TRPV4: variants seen among roughly 807,000 people sequenced by gnomAD.
TRPV4 encodes OSM9-like transient receptor potential channel 4.
Under a neutral mutation model 84.1 loss-of-function variants are expected in TRPV4, and 58 were observed. The ratio of observed to expected loss-of-function variants is 0.69; its 90% CI spans 0.56 to 0.86. The LOEUF is 0.86. TRPV4 is among the 40% of genes least tolerant of loss of function. The pLI is 0.00. For synonymous variants in TRPV4, 489 were observed against 500.9 expected (o/e 0.98, Z 0.32); for missense variants, 879 against 1,181.1 (o/e 0.74, Z 3.75).
In TRPV4 at chr12:109,787,751, C is replaced by T. The variant is rs569070749; in HGVS notation, c.2208+649G>A. On this transcript the variant is annotated intron_variant, in intron 13 of 15. Transcript: ENST00000261740. ...CTCACTGCACCATTTTCCTGAAATGCACAGTCAAGGTAAACACGGGTGCTG... is the reference window on the plus strand; with the variant it reads ...CTCACTGCACCATTTTCCTGAAATGTACAGTCAAGGTAAACACGGGTGCTG... Among the ~76,000 whole-genome samples, 13 of 152,300 alleles carry T rather than the reference C, an allele frequency of 8.5e-5. No homozygotes were observed. In the South Asian group the frequency reaches 2.3e-3, roughly 27 times the overall value.
In TRPV4 at chr12:109,826,053, T is replaced by C. The variant is rs57016457; in HGVS notation, c.-32+7297A>G. 7.1e-3 allele frequency among the ~76,000 whole-genome samples: 1,077 copies of C among 152,310 alleles called. 21 individuals carry two copies. The highest frequency in any genetic ancestry group is 0.025 in the African/African-American group (1,037 of 41,548). On this transcript the variant is annotated intron_variant, in intron 1 of 15. Coordinates refer to ENST00000261740, the MANE Select transcript of TRPV4 (RefSeq NM_021625.5). ...TTGTTTTTTGTTTTGAGACAGGGTA[T>C]GGCTTTGTCACCCAGGCTGGAGTGC...
chr12:109,806,223 C>G (rs1332246188), intron 3 of TRPV4, among the ~76,000 whole-genome samples: 3 of 151,654 alleles, frequency 2.0e-5, no homozygotes, highest in Non-Finnish European at 4.4e-5. Context: ...GAGACAGAGT[C>G]TCGCTCTTTC....
At chr12:109,806,867 A>G (rs1220094406) in intron 3 of TRPV4, among the ~76,000 whole-genome samples, 1 of 125,674 alleles carries the variant, frequency 8.0e-6, no homozygotes, top group Non-Finnish European at 1.6e-5. Context: ...TCTCAAAAAA[A>G]AAAAAGAAAA....
rs940497549 is a variant in TRPV4, at chr12:109,803,255, TCTC to T, written c.560-115_560-113del. The T allele has an allele frequency of 2.7e-5, 34 of 1,280,242 alleles. No individual in the cohort carries two copies. The African/African-American group carries it at 4.4e-4, about 17-fold the overall frequency. 79.3% of individuals were successfully genotyped at this position (1,280,242 alleles called of 1,614,324 possible). A position where few individuals can be genotyped will look rare whatever the true frequency, so the allele number is the denominator to read the frequency against. On this transcript the variant is annotated intron_variant, in intron 3 of 15. Transcript: ENST00000261740. The stretch of plus-strand genomic sequence containing the variant: ...GGGTCAGATGTCCTGGCTGTCAACA[TCTC>T]CTCTCCAAGCCTGTTTCCTCATCTG...
At chr12:109,803,618 T>C (rs936680256) in intron 3 of TRPV4, among the ~76,000 whole-genome samples, 2 of 151,368 alleles carry the variant, frequency 1.3e-5, no homozygotes, top group African/African-American at 2.4e-5. Flanking sequence ...CATGCTCAAC[T>C]AATTTTTTAA....
At chr12:109,816,354 G>A (rs549573120) in intron 1 of TRPV4, among the ~76,000 whole-genome samples, 1 of 152,272 alleles carries the variant, frequency 6.6e-6, no homozygotes, top group South Asian at 2.1e-4. Flanking sequence ...GTGATCTTAG[G>A]TAAGTTACTT....
intron 1 of TRPV4, among the ~76,000 whole-genome samples, chr12:109,826,673 C>A (rs1028945606): frequency 1.3e-5 from 2 of 152,226 alleles, no homozygotes; most frequent in African/African-American, 4.8e-5. Flanking sequence ...CCCTTCTCAA[C>A]GCCATATCCC....
rs1890131204 is a variant in TRPV4, at chr12:109,792,806, G to C, written c.1670C>G (p.Ser557Cys). ...GSFQLLYFIY[S>C]VLVIVSAALY... ...GGCTGCTGAGACGATCACCAGGACA[G>C]AGTAGATGAAGCTGCAGTGCAGCAG... The change falls in exon 11 of 16, where the codon TCT becomes TGT. Residue 557 changes from serine (S) to cysteine (C), a missense_variant. Transcript: ENST00000261740. 2 of 1,613,734 alleles carry C rather than the reference G, an allele frequency of 1.2e-6. No homozygotes were observed. Among genetic ancestry groups the C allele is most frequent in the Non-Finnish European group, 1.7e-6 (2 of 1,180,030 alleles).
At position 109,814,776 on chromosome 12, in the gene TRPV4, G is replaced by C. The variant is rs1346348514; in HGVS notation, c.21C>G (p.Gly7=). The stretch of plus-strand genomic sequence containing the variant: ...CCACCTCCCCGGGCCCCGCGCGGGG[G>C]CCTTCGCTGGAATCCGCCATGCCTG... MADSSE[G]PRAGPGEVAE... The change falls in exon 2 of 16, where the codon GGC becomes GGG. Residue 7 remains glycine (G), a synonymous_variant. Coordinates refer to ENST00000261740, the MANE Select transcript of TRPV4 (RefSeq NM_021625.5). This position sits in a 1 kb window ranked among gnomAD's most constrained non-coding sequence, Gnocchi z 5.4. The C allele has an allele frequency of 1.9e-6, 3 of 1,547,044 alleles. No individual in the cohort carries two copies. The highest frequency in any genetic ancestry group is 2.7e-5 in the African/African-American group (2 of 73,130).
At chr12:109,794,548 C>G in intron 7 of TRPV4, 61 bp from the exon 8 acceptor site, 1 of 1,590,010 alleles carries the variant, frequency 6.3e-7, no homozygotes, top group Non-Finnish European at 8.6e-7. Flanking sequence ...TCCAGGCAGG[C>G]TGCCTCGGGT....
Position 109,783,743 on chromosome 12 carries a change from G to T in TRPV4, c.2494C>A (p.Leu832Met), listed in dbSNP as rs377399452. The part of the protein sequence containing the change: ...WSSVVPRVVE[L>M]NKNSNPDEVV... ...TCGTCCGGGTTCGAGTTCTTGTTCA[G>T]TTCCACCACGCGGGGTACCACCGAG... The change falls in exon 16 of 16, where the codon CTG becomes ATG. Residue 832 changes from leucine (L) to methionine (M), a missense_variant. By Grantham distance (15) the Leu-to-Met change is conservative. Coordinates refer to ENST00000261740, the MANE Select transcript of TRPV4 (RefSeq NM_021625.5). This position sits in a 1 kb window ranked among gnomAD's most constrained non-coding sequence, Gnocchi z 4.6. 8 of 1,613,328 alleles carry T rather than the reference G, an allele frequency of 5.0e-6. No homozygotes were observed. In the African/African-American group the frequency reaches 1.1e-4, roughly 22 times the overall value.
chr12:109,789,047 A>T (rs1292083977), intron 12 of TRPV4, among the ~76,000 whole-genome samples: 1 of 152,080 alleles, frequency 6.6e-6, no homozygotes, highest in Non-Finnish European at 1.5e-5. Context: ...ACTACTGATA[A>T]GCGTAGGAGT....
intron 7 of TRPV4, among the ~76,000 whole-genome samples, chr12:109,795,753 G>C (rs1890352653): frequency 6.6e-6 from 1 of 152,046 alleles, no homozygotes; most frequent in South Asian, 2.1e-4. Context: ...TTGTTTGTTT[G>C]TTTGTTTATT....
rs1889674237 is a variant in TRPV4 at position 109,786,208 on chromosome 12, C to T, written c.2336+502G>A. ...GGGTTCCCCTAAGAAGCTGGCACTC[C>T]CTGTGCCTCTGGAACACGGAGTCAT... On this transcript the variant is annotated intron_variant, in intron 14 of 15. Transcript: ENST00000261740. This position sits in a 1 kb window ranked among gnomAD's most constrained non-coding sequence, Gnocchi z 4.5. 6.6e-6 allele frequency among the ~76,000 whole-genome samples: 1 copy of T among 152,200 alleles called. No individual in the cohort carries two copies. Among genetic ancestry groups the T allele is most frequent in the South Asian group, 2.1e-4 (1 of 4,830 alleles).
At chr12:109,805,806 C>A (rs1210190165) in intron 3 of TRPV4, among the ~76,000 whole-genome samples, 1 of 152,158 alleles carries the variant, frequency 6.6e-6, no homozygotes, top group African/African-American at 2.4e-5. Flanking sequence ...TTAGAGTCCC[C>A]CACCCACACT....
chr12:109,808,552 G>T, intron 2 of TRPV4, 84 bp from the exon 3 acceptor site: 1 of 1,402,032 alleles, frequency 7.1e-7, no homozygotes, highest in Non-Finnish European at 9.7e-7. Flanking sequence ...CCCAGAGACT[G>T]TGGTGGCGGG....
chr12:109,786,177 A>T lies in TRPV4; in HGVS notation c.2336+533T>A, dbSNP rs937924552. On this transcript the variant is annotated intron_variant, in intron 14 of 15. Coordinates refer to ENST00000261740, the MANE Select transcript of TRPV4 (RefSeq NM_021625.5). The surrounding 1 kb of genome is among the most constrained non-coding windows in gnomAD (Gnocchi z 4.5). ...TGAATCAACTGGAAAGAAAAGATTC[A>T]TGAAGGGGTTCCCCTAAGAAGCTGG... 6.6e-6 allele frequency among the ~76,000 whole-genome samples: 1 copy of T among 152,228 alleles called. No individual in the cohort carries two copies. Among genetic ancestry groups the T allele is most frequent in the African/African-American group, 2.4e-5 (1 of 41,460 alleles).
Position 109,783,886 on chromosome 12 carries a change from G to A in TRPV4, c.2459-108C>T. On this transcript the variant is annotated intron_variant, in intron 15 of 15. Coordinates refer to ENST00000261740, the MANE Select transcript of TRPV4 (RefSeq NM_021625.5). The surrounding 1 kb of genome is among the most constrained non-coding windows in gnomAD (Gnocchi z 4.6). Reference sequence around the variant, plus strand: ...GCACTCCACAGTGTTCTGAAGGGGGGATGTGACTATGCTCATTTTACAGAG... The same window carrying A: ...GCACTCCACAGTGTTCTGAAGGGGGAATGTGACTATGCTCATTTTACAGAG... 2 of 1,326,904 alleles carry A rather than the reference G, an allele frequency of 1.5e-6. No homozygotes were observed. Among genetic ancestry groups the A allele is most frequent in the Non-Finnish European group, 2.1e-6 (2 of 955,502 alleles). 82.2% of individuals were successfully genotyped at this position (1,326,904 alleles called of 1,614,324 possible). A position where few individuals can be genotyped will look rare whatever the true frequency, so the allele number is the denominator to read the frequency against.
intron 1 of TRPV4, among the ~76,000 whole-genome samples, chr12:109,819,449 G>A (rs1354494668): frequency 6.6e-6 from 1 of 152,220 alleles, no homozygotes; most frequent in Non-Finnish European, 1.5e-5. Context: ...CCTCCACAGT[G>A]GGGAAGCTCC....
Sources: allele counts gnomAD v4.1 joint callset (sites outside exome capture counted in the v4.1 genomes callset), GRCh38; gene constraint gnomAD v4.1.1; non-coding constraint Gnocchi (gnomAD v3.1); transcripts MANE v1.5; gene names NCBI Gene and HGNC (gene_info 2026-07-23, HGNC 2026-07-21).